The following PCDH15 variants were observed in gnomAD, a reference collection of about 807,000 sequenced individuals.
PCDH15 encodes protocadherin-15.
A neutral mutation model predicts 178.5 loss-of-function variants in PCDH15; 129 were observed. The ratio of observed to expected loss-of-function variants is 0.72; its 90% CI spans 0.63 to 0.84. The LOEUF (loss-of-function observed/expected upper bound fraction) is 0.84. PCDH15 is among the 40% of genes least tolerant of loss of function. The pLI is 0.00. For missense variants in PCDH15, 2,230 were observed against 2,099.9 expected, an observed-to-expected ratio of 1.06 and a Z score of -1.21; for synonymous variants, 800 against 732.0, an observed-to-expected ratio of 1.09 and a Z score of -1.50.
intron 2 of PCDH15, among the ~76,000 whole-genome samples, chr10:55,392,015 T>A (rs1424646720): frequency 6.6e-6 from 1 of 152,168 alleles, no homozygotes; most frequent in Admixed American, 6.6e-5. Flanking sequence ...ATTATAGTTG[T>A]GAATCAGCTG....
At position 55,455,861 on chromosome 10, in the gene PCDH15, A is replaced by G. The variant is rs572250415; in HGVS notation, c.-156+171764T>C. 3.3e-5 allele frequency among the ~76,000 whole-genome samples: 5 copies of G among 152,268 alleles called. No homozygotes were observed. In the South Asian group the frequency reaches 1.0e-3, roughly 32 times the overall value. On this transcript the variant is annotated intron_variant, in intron 2 of 5. Transcript: ENST00000613346. ...AGGACTTGTTTTAAGAAGTCTTAAG[A>G]TATTTGTGATTTGAGTGTTAAATTA...
At chr10:54,692,978 G>A (rs1013055819) in intron 1 of PCDH15, among the ~76,000 whole-genome samples, 26 of 151,882 alleles carry the variant, frequency 1.7e-4, no homozygotes, top group African/African-American at 5.8e-4. Flanking sequence ...ATAGGTATAC[G>A]TGTGCCATGG....
At chr10:54,177,575 C>G (rs2047555118) in intron 13 of PCDH15, among the ~76,000 whole-genome samples, 1 of 134,054 alleles carries the variant, frequency 7.5e-6, no homozygotes. Flanking sequence ...TGGTGTGTAC[C>G]TAAAACTGCT....
upstream of PCDH15, among the ~76,000 whole-genome samples, chr10:55,322,724 G>A (rs1843930389): frequency 6.6e-6 from 1 of 150,892 alleles, no homozygotes; most frequent in African/African-American, 2.4e-5. Flanking sequence ...GTATCTGGCA[G>A]AAGGTCAAAG....
At chr10:54,005,511 A>G (rs2092353089) in intron 20 of PCDH15, among the ~76,000 whole-genome samples, 1 of 152,160 alleles carries the variant, frequency 6.6e-6, no homozygotes. Context: ...CTAAACAAAA[A>G]TTTCTCAAAA....
chr10:55,167,239 G>A (rs547247904), intron 1 of PCDH15, among the ~76,000 whole-genome samples: 82 of 151,986 alleles, frequency 5.4e-4, no homozygotes, highest in African/African-American at 1.9e-3. Context: ...TCAGCCTCCC[G>A]AGTAGCTGGA....
chr10:55,293,946 C>T (rs1264745714), intron 1 of PCDH15, among the ~76,000 whole-genome samples: 2 of 152,242 alleles, frequency 1.3e-5, no homozygotes, highest in East Asian at 3.9e-4. Context: ...ACCCACTTTT[C>T]TGGTAGCAAT....
intron 15 of PCDH15, among the ~76,000 whole-genome samples, chr10:54,103,558 G>A (rs914327095): frequency 1.3e-5 from 2 of 152,128 alleles, no homozygotes; most frequent in African/African-American, 4.8e-5. Flanking sequence ...CACTGGTCAA[G>A]GGTATATCTT....
intron 3 of PCDH15, among the ~76,000 whole-genome samples, chr10:54,486,816 G>A (rs560183659): frequency 3.3e-5 from 5 of 151,932 alleles, no homozygotes; most frequent in African/African-American, 1.2e-4. Flanking sequence ...ACAGGGGCTT[G>A]CCCTTTTCTT....
intron 1 of PCDH15, among the ~76,000 whole-genome samples, chr10:55,230,115 T>C (rs1184596291): frequency 6.6e-6 from 1 of 151,946 alleles, no homozygotes; most frequent in African/African-American, 2.4e-5. Context: ...GTATTCAATA[T>C]TGCTATATGC....
chr10:54,182,680 A>G (rs982490046), intron 13 of PCDH15, among the ~76,000 whole-genome samples: 14 of 152,148 alleles, frequency 9.2e-5, no homozygotes, highest in African/African-American at 3.4e-4. Flanking sequence ...TAATGATTAT[A>G]TTTTATCTAG....
chr10:54,195,285 C>T (rs964365260), intron 11 of PCDH15, among the ~76,000 whole-genome samples: 1 of 152,130 alleles, frequency 6.6e-6, no homozygotes, highest in South Asian at 2.1e-4. Context: ...TGCCCTCAGA[C>T]TTGAAGAAAA....
At chr10:55,406,959 T>C (rs1344993897) in intron 2 of PCDH15, among the ~76,000 whole-genome samples, 2 of 152,152 alleles carry the variant, frequency 1.3e-5, no homozygotes, top group Non-Finnish European at 2.9e-5. Flanking sequence ...AAAAAGGAGA[T>C]AGTGATACAC....
chr10:54,728,637 T>C (rs1942917602), intron 1 of PCDH15, among the ~76,000 whole-genome samples: 2 of 150,958 alleles, frequency 1.3e-5, no homozygotes, highest in African/African-American at 4.8e-5. Context: ...TAGAGAGGTA[T>C]TCAAACTATC....
At chr10:55,090,694 G>A (rs778201551) in intron 2 of PCDH15, among the ~76,000 whole-genome samples, 43 of 152,018 alleles carry the variant, frequency 2.8e-4, no homozygotes, top group Non-Finnish European at 3.7e-4. Flanking sequence ...CAACAAACAC[G>A]CAATGTGAGA....
chr10:53,899,142 C>CGGGG (rs57832917), intron 26 of PCDH15, among the ~76,000 whole-genome samples: 2 of 139,766 alleles, frequency 1.4e-5, no homozygotes, highest in African/African-American at 2.6e-5. Flanking sequence ...TACTTTTTTT[C>CGGGG]GGGGGGGGGT....
intron 8 of PCDH15, among the ~76,000 whole-genome samples, chr10:54,259,938 T>G (rs2057191075): frequency 6.6e-6 from 1 of 152,124 alleles, no homozygotes; most frequent in African/African-American, 2.4e-5. Flanking sequence ...AAAATACATT[T>G]TTTCCTAAGA....
At position 55,602,061 on chromosome 10, in the gene PCDH15, G is replaced by A. The variant is rs377733450; in HGVS notation, c.-156+25564C>T. On this transcript the variant is annotated intron_variant, in intron 2 of 5. Transcript: ENST00000613346. ...TGCACCAGCCAAAGCAGGGCGAGGC[G>A]TTGCCTCACTCGGGAGGCGCAAGGG... Among the ~76,000 whole-genome samples, 13 of 152,236 alleles carry A rather than the reference G, an allele frequency of 8.5e-5. No individual in the cohort carries two copies. In the East Asian group the frequency reaches 9.7e-4, roughly 11 times the overall value.
At chr10:54,447,961 T>G (rs891529368) in intron 3 of PCDH15, among the ~76,000 whole-genome samples, 12 of 151,684 alleles carry the variant, frequency 7.9e-5, no homozygotes, top group Admixed American at 3.3e-4. Flanking sequence ...TACTCAATTT[T>G]TTTTCTACAG....
Sources: allele counts gnomAD v4.1 joint callset (sites outside exome capture counted in the v4.1 genomes callset), GRCh38; gene constraint gnomAD v4.1.1; transcripts MANE v1.5; gene names NCBI Gene and HGNC (gene_info 2026-07-23, HGNC 2026-07-21).